CFH: variants seen among roughly 807,000 people sequenced by gnomAD.
CFH encodes H factor 1 (complement).
Under a neutral mutation model 147.3 loss-of-function variants are expected in CFH, and 53 were observed. The observed-to-expected ratio is 0.36, with a 90% confidence interval of 0.29 to 0.45. The LOEUF is 0.45. Among genes scored for constraint, CFH ranks in the 20% least tolerant of loss-of-function variants. The probability of loss-of-function intolerance (pLI) is 1.00; values close to 1 mark genes in which losing one functional copy is unlikely to be tolerated. For missense variants in CFH, 1,380 were observed against 1,498.0 expected, an observed-to-expected ratio of 0.92 and a Z score of 1.30; for synonymous variants, 536 against 489.4, an observed-to-expected ratio of 1.10 and a Z score of -1.26.
intron 15 of CFH, among the ~76,000 whole-genome samples, chr1:196,733,159 TG>T (rs1198186312): frequency 1.3e-5 from 2 of 152,120 alleles, no homozygotes; most frequent in Non-Finnish European, 1.5e-5. Context: ...GCGAGACTCA[TG>T]AAGTGCCAAA....
chr1:196,727,849 G>A (rs896550581), intron 14 of CFH, among the ~76,000 whole-genome samples: 3 of 152,170 alleles, frequency 2.0e-5, no homozygotes, highest in African/African-American at 7.2e-5. Context: ...CTCATTGACG[G>A]ACTTCACACT....
At chr1:196,716,572 C>T (rs542690307) in intron 11 of CFH, among the ~76,000 whole-genome samples, 65 of 151,984 alleles carry the variant, frequency 4.3e-4, no homozygotes, top group African/African-American at 1.6e-3. Flanking sequence ...CACCATGAGT[C>T]CAGGTAGGGT....
intron 5 of CFH, chr1:196,678,231 A>G (rs1359833379): frequency 1.3e-5 from 2 of 154,668 alleles, no homozygotes; most frequent in Non-Finnish European, 2.9e-5. Context: ...AATTGAACAG[A>G]ATCCACTAAA....
chr1:196,668,802 G>C (rs1462704180), intron 1 of CFH, among the ~76,000 whole-genome samples: 7 of 152,112 alleles, frequency 4.6e-5, no homozygotes, highest in African/African-American at 1.7e-4. Flanking sequence ...GAACTACCCA[G>C]TCTCAGGTAA....
At chr1:196,686,345 G>A (rs1044332512) in intron 7 of CFH, among the ~76,000 whole-genome samples, 4 of 152,090 alleles carry the variant, frequency 2.6e-5, no homozygotes, top group Non-Finnish European at 5.9e-5. Flanking sequence ...TTGGAGGGAG[G>A]AGTGTTGAAG....
In CFH at chr1:196,745,378, T is replaced by C. The variant is rs964293994; in HGVS notation, c.3311-439T>C. 7.2e-5 allele frequency among the ~76,000 whole-genome samples: 11 copies of C among 152,190 alleles called. No homozygotes were observed. The South Asian group carries it at 1.4e-3, about 20-fold the overall frequency. ...TCAGAGTGGGTAATTTATATTGCTGTATGTTCAAGTTCATGGATTTATTTG... is the reference window on the plus strand; with the variant it reads ...TCAGAGTGGGTAATTTATATTGCTGCATGTTCAAGTTCATGGATTTATTTG... On this transcript the variant is annotated intron_variant, in intron 20 of 21. Transcript: ENST00000367429.
chr1:196,698,753 C>G (rs187813307), intron 9 of CFH, among the ~76,000 whole-genome samples: 1 of 152,142 alleles, frequency 6.6e-6, no homozygotes, highest in African/African-American at 2.4e-5. Context: ...GATACCAAAA[C>G]CTGGCAGAGA....
intron 1 of CFH, among the ~76,000 whole-genome samples, chr1:196,665,094 G>T (rs1317682022): frequency 2.0e-5 from 3 of 151,320 alleles, no homozygotes; most frequent in African/African-American, 4.8e-5. Flanking sequence ...TATTGGTAAT[G>T]GTCACGTTAA....
intron 20 of CFH, among the ~76,000 whole-genome samples, chr1:196,744,598 C>T (rs115325629): frequency 1.3e-5 from 2 of 152,012 alleles, no homozygotes; most frequent in Non-Finnish European, 2.9e-5. Context: ...AATATGGAAA[C>T]CTTACTTTCA....
intron 9 of CFH, among the ~76,000 whole-genome samples, chr1:196,705,296 G>A (rs952923335): frequency 2.0e-5 from 3 of 152,042 alleles, no homozygotes; most frequent in African/African-American, 4.8e-5. Flanking sequence ...AATTTTCTCA[G>A]GAGCAGAGTA....
intron 9 of CFH, chr1:196,700,867 GA>G (rs1380330770): frequency 1.0e-6 from 1 of 985,182 alleles, no homozygotes; most frequent in African/African-American, 1.7e-5. Context: ...CTGCAGCAGA[GA>G]AACCATTTCT....
intron 1 of CFH, among the ~76,000 whole-genome samples, chr1:196,657,261 C>T (rs1158314688): frequency 6.6e-6 from 1 of 151,930 alleles, no homozygotes; most frequent in Non-Finnish European, 1.5e-5. Flanking sequence ...ATATATGTTA[C>T]TTCTGAAATG....
chr1:196,663,529 A>G (rs1666975427), intron 1 of CFH, among the ~76,000 whole-genome samples: 1 of 152,176 alleles, frequency 6.6e-6, no homozygotes, highest in African/African-American at 2.4e-5. Context: ...GTCTGTATAT[A>G]TTTATTCCAA....
At position 196,741,842 on chromosome 1, in the gene CFH, T is replaced by C. The variant is rs1470508726; in HGVS notation, c.2957-33T>C. 1.9e-6 allele frequency: 3 copies of C among 1,601,984 alleles called. No individual in the cohort carries two copies. The African/African-American group carries it at 4.0e-5, about 21-fold the overall frequency. On this transcript the variant is annotated intron_variant, in intron 18 of 21. Transcript: ENST00000367429. ...TTGTATGTAACCTATTTTTAAAGAT[T>C]TGCGGAACAAATACATATTTTTCCT...
At chr1:196,667,953 T>G (rs1667153123) in intron 1 of CFH, among the ~76,000 whole-genome samples, 1 of 152,130 alleles carries the variant, frequency 6.6e-6, no homozygotes, top group African/African-American at 2.4e-5. Context: ...ATCACAACAC[T>G]TTTATTTTCT....
chr1:196,715,920 A>G (rs1470904555), intron 11 of CFH, 151 bp downstream of exon 11: 31 of 678,342 alleles, frequency 4.6e-5, no homozygotes, highest in Non-Finnish European at 7.0e-5. Context: ...AAAAGAAGGG[A>G]GTTTTGAAAA....
intron 1 of CFH, among the ~76,000 whole-genome samples, chr1:196,653,804 A>G (rs1026825290): frequency 6.6e-6 from 1 of 152,100 alleles, no homozygotes; most frequent in Non-Finnish European, 1.5e-5. Context: ...TGAATTGAAC[A>G]TCGGCACTAT....
Position 196,745,810 on chromosome 1 carries a change from T to A in CFH, c.3311-7T>A. On this transcript the variant is annotated splice_polypyrimidine_tract_variant and splice_region_variant and intron_variant, in intron 20 of 21. Coordinates refer to ENST00000367429, the MANE Select transcript of CFH (RefSeq NM_000186.4). ...AACAAATCAAGTGATGAAATGATGT[T>A]TTTTAGATTCTACAGGAAAATGTGG... 4 of 1,614,058 alleles carry A rather than the reference T, an allele frequency of 2.5e-6. No homozygotes were observed. The highest frequency in any genetic ancestry group is 2.5e-6 in the Non-Finnish European group (3 of 1,179,928).
chr1:196,744,037 GTGAC>G (rs1652913689), intron 20 of CFH, among the ~76,000 whole-genome samples: 1 of 152,098 alleles, frequency 6.6e-6, no homozygotes, highest in Non-Finnish European at 1.5e-5. Flanking sequence ...TTAAAGGTGT[GTGAC>G]TGACTGTATT....
Sources: gnomAD v4.1 joint callset for allele counts (sites outside exome capture counted in the v4.1 genomes callset) on GRCh38, gnomAD v4.1.1 for gene constraint, MANE v1.5 for transcripts, NCBI Gene and HGNC (gene_info 2026-07-23, HGNC 2026-07-21) for gene names.